STK10: variants seen among roughly 807,000 people sequenced by gnomAD.
STK10 encodes serine/threonine kinase 10, also known as serine/threonine-protein kinase 10.
STK10 carries 78 observed loss-of-function variants against 113.8 expected under a neutral mutation model. That is an observed-to-expected ratio of 0.69 (90% CI 0.57 to 0.83). The LOEUF is 0.83. Among genes scored for constraint, STK10 ranks in the 40% least tolerant of loss-of-function variants. The pLI, the probability that STK10 is intolerant of heterozygous loss-of-function variation, is 0.00. For missense variants in STK10, 1,109 were observed against 1,280.1 expected, an observed-to-expected ratio of 0.87 and a Z score of 2.04; for synonymous variants, 465 against 494.7, an observed-to-expected ratio of 0.94 and a Z score of 0.80.
chr5:172,170,299 G>C (rs1561834355), intron 1 of STK10, among the ~76,000 whole-genome samples: 1 of 152,088 alleles, frequency 6.6e-6, no homozygotes, highest in Non-Finnish European at 1.5e-5. Flanking sequence ...ATCTCTGGCT[G>C]TTCTCCAGTT....
At position 172,061,404 on chromosome 5, in the gene STK10, A is replaced by G. The variant is rs113145949; in HGVS notation, c.2083-136T>C. On this transcript the variant is annotated intron_variant, in intron 13 of 18. Transcript: ENST00000176763. ...CAGAAAAGAAATTGGTGGAGGAGAAATTTAAGGGAGACTTAGAGACGCATC... is the reference window on the plus strand; with the variant it reads ...CAGAAAAGAAATTGGTGGAGGAGAAGTTTAAGGGAGACTTAGAGACGCATC... 1,631 of 1,286,578 alleles carry G rather than the reference A, an allele frequency of 1.3e-3. 21 individuals are homozygous for G. The African/African-American group carries it at 0.022, about 17-fold the overall frequency. The allele number at this position is 1,286,578 out of a possible 1,614,324, so 79.7% of individuals were successfully genotyped here.
At chr5:172,144,329 C>A (rs1376218393) in intron 2 of STK10, among the ~76,000 whole-genome samples, 1 of 152,366 alleles carries the variant, frequency 6.6e-6, no homozygotes, top group South Asian at 2.1e-4. Flanking sequence ...ATCAGCCCCC[C>A]AGGCCTCCCT....
chr5:172,179,621 C>CAGGCCCCCTT (rs1554124651), intron 1 of STK10, among the ~76,000 whole-genome samples: 8 of 151,758 alleles, frequency 5.3e-5, no homozygotes. Context: ...ACGCAGAAGC[C>CAGGCCCCCTT]GAAGGGCGTC....
At chr5:172,161,067 C>T (rs1241537580) in intron 1 of STK10, among the ~76,000 whole-genome samples, 1 of 152,168 alleles carries the variant, frequency 6.6e-6, no homozygotes, top group East Asian at 1.9e-4. Context: ...AGAGACACAG[C>T]CCTCTACTGA....
At chr5:172,065,507 G>A (rs1228380806) in intron 12 of STK10, among the ~76,000 whole-genome samples, 2 of 152,108 alleles carry the variant, frequency 1.3e-5, no homozygotes, top group East Asian at 1.9e-4. Flanking sequence ...TTACAGGCAT[G>A]TGCCACCGCG....
At chr5:172,048,766 C>A (rs997963097) in intron 18 of STK10, among the ~76,000 whole-genome samples, 6 of 152,018 alleles carry the variant, frequency 3.9e-5, no homozygotes, top group Non-Finnish European at 2.9e-5. Context: ...ACCACCTTGT[C>A]CTCTGCTCAG....
intron 18 of STK10, among the ~76,000 whole-genome samples, chr5:172,048,621 TTCAAGATACCACCC>T (rs1299446418): frequency 1.8e-5 from 2 of 109,420 alleles, no homozygotes; most frequent in African/African-American, 1.4e-4. Context: ...ACCATCCTAG[TTCAAGATACCACCC>T]TAGTCCAAGC....
intron 2 of STK10, among the ~76,000 whole-genome samples, chr5:172,155,862 G>C (rs1247171403): frequency 6.6e-6 from 1 of 152,070 alleles, no homozygotes; most frequent in Non-Finnish European, 1.5e-5. Context: ...GGGCATGGTG[G>C]CACATGCCTA....
chr5:172,116,972 G>T (rs1439281294), intron 4 of STK10, among the ~76,000 whole-genome samples: 1 of 151,860 alleles, frequency 6.6e-6, no homozygotes, highest in Non-Finnish European at 1.5e-5. Flanking sequence ...ACTCTCATTC[G>T]AATTCTCTTG....
chr5:172,115,308 C>T (rs1769355042), intron 4 of STK10, among the ~76,000 whole-genome samples: 1 of 152,192 alleles, frequency 6.6e-6, no homozygotes. Context: ...ATGCCAAAGC[C>T]TCCAATGGTG....
intron 12 of STK10, among the ~76,000 whole-genome samples, chr5:172,076,736 C>T (rs755365315): frequency 6.6e-6 from 1 of 152,180 alleles, no homozygotes; most frequent in Non-Finnish European, 1.5e-5. Flanking sequence ...ATCAAAGGGT[C>T]GCCTTGGAGA....
intron 17 of STK10, among the ~76,000 whole-genome samples, chr5:172,054,151 A>G (rs1767693777): frequency 1.3e-5 from 2 of 152,122 alleles, no homozygotes; most frequent in Non-Finnish European, 2.9e-5. Flanking sequence ...CATGGGGCAA[A>G]CCCAGGGGCC....
At chr5:172,137,646 C>T (rs1017898484) in intron 2 of STK10, among the ~76,000 whole-genome samples, 5 of 150,160 alleles carry the variant, frequency 3.3e-5, no homozygotes, top group African/African-American at 4.9e-5. Context: ...TTTGGGAGGC[C>T]GAGGCGGGCG....
chr5:172,105,367 TCCGTGGCACTGGCCACC>T (rs1338951999), intron 7 of STK10, among the ~76,000 whole-genome samples: 1 of 152,012 alleles, frequency 6.6e-6, no homozygotes, highest in African/African-American at 2.4e-5. Flanking sequence ...TGGATCTCCT[TCCGTGGCACTGGCCACC>T]CCCTGCCACG....
chr5:172,080,761 G>A (rs1230926647), intron 12 of STK10, among the ~76,000 whole-genome samples: 2 of 151,238 alleles, frequency 1.3e-5, no homozygotes, highest in East Asian at 1.9e-4. Context: ...TCTCCATAAC[G>A]TGAAAGTGCA....
At chr5:172,154,222 AC>A (rs1459317530) in intron 2 of STK10, among the ~76,000 whole-genome samples, 2 of 152,210 alleles carry the variant, frequency 1.3e-5, no homozygotes, top group Non-Finnish European at 2.9e-5. Flanking sequence ...GGGCCTGATA[AC>A]CTGCATGTCT....
chr5:172,173,950 G>C (rs550112542), intron 1 of STK10, among the ~76,000 whole-genome samples: 4 of 152,312 alleles, frequency 2.6e-5, no homozygotes, highest in South Asian at 2.1e-4. Flanking sequence ...AGGATCAGAG[G>C]GGTGAGGTGA....
At chr5:172,177,845 T>A (rs1376582824) in intron 1 of STK10, among the ~76,000 whole-genome samples, 1 of 152,170 alleles carries the variant, frequency 6.6e-6, no homozygotes, top group Non-Finnish European at 1.5e-5. Context: ...TTTGTTTTGT[T>A]GAGACAGAGT....
intron 3 of STK10, among the ~76,000 whole-genome samples, chr5:172,122,685 A>G (rs577310825): frequency 2.0e-5 from 3 of 152,216 alleles, no homozygotes; most frequent in Non-Finnish European, 4.4e-5. Context: ...GTGCAGTGGC[A>G]CGATCTAGGC....
Sources: allele counts gnomAD v4.1 joint callset (sites outside exome capture counted in the v4.1 genomes callset), GRCh38; gene constraint gnomAD v4.1.1; transcripts MANE v1.5; gene names NCBI Gene and HGNC (gene_info 2026-07-23, HGNC 2026-07-21).